TRAPPC8: variants seen among roughly 807,000 people sequenced by gnomAD.
The protein encoded by TRAPPC8 is general sporulation gene 1 homolog.
Under a neutral mutation model 174.3 loss-of-function variants are expected in TRAPPC8, and 54 were observed. That is an observed-to-expected ratio of 0.31 (90% CI 0.25 to 0.39). The LOEUF (loss-of-function observed/expected upper bound fraction) is 0.39. Ranked by LOEUF, TRAPPC8 falls within the 10% of genes least tolerant of loss-of-function variation. The pLI is 1.00. For synonymous variants in TRAPPC8, 630 were observed against 579.9 expected, an observed-to-expected ratio of 1.09 and a Z score of -1.24; for missense variants, 1,531 against 1,699.1, an observed-to-expected ratio of 0.90 and a Z score of 1.74.
chr18:31,838,032 C>T (rs2144950169), intron 27 of TRAPPC8, among the ~76,000 whole-genome samples: 1 of 151,264 alleles, frequency 6.6e-6, no homozygotes, highest in Admixed American at 6.6e-5. Context: ...TGCAATGGTG[C>T]AAACATAGCT....
At chr18:31,838,652 G>C (rs1178746145) in intron 27 of TRAPPC8, among the ~76,000 whole-genome samples, 1 of 152,076 alleles carries the variant, frequency 6.6e-6, no homozygotes, top group Non-Finnish European at 1.5e-5. Flanking sequence ...CAAAAATCAT[G>C]ATCTCCTTAT....
Position 31,916,315 on chromosome 18 carries a change from ATT to A in TRAPPC8, c.572_573del (p.Lys191IlefsTer7). ...YPKWFIPNTLKYYVLLHDVSA... is the reference protein window; with the variant it reads ...YPKWFIPNTLXYYVLLHDVSA... ...CTTACATCATGTAAAAGTACATAGTATTTAAGTGTATTTGGTATAAACCACTT... is the reference window on the plus strand; with the variant it reads ...CTTACATCATGTAAAAGTACATAGTATAAGTGTATTTGGTATAAACCACTT... On this transcript the variant is annotated frameshift_variant, in exon 4 of 29. Coordinates refer to ENST00000283351, the MANE Select transcript of TRAPPC8 (RefSeq NM_014939.5). LOFTEE classifies it high-confidence loss of function. 6.2e-7 allele frequency: 1 copy of A among 1,611,028 alleles called. No individual in the cohort carries two copies.
rs1406468859 is a variant in TRAPPC8 at position 31,890,839 on chromosome 18, A to C, written c.1624T>G (p.Leu542Val). 3.1e-6 allele frequency: 5 copies of C among 1,611,298 alleles called. No individual in the cohort carries two copies. Among genetic ancestry groups the C allele is most frequent in the Non-Finnish European group, 4.2e-6 (5 of 1,178,558 alleles). ...ATAAAGCAATGTGCTGCCTGTTCCA[A>C]AAGAAGTGCACTTCGAAGATCAGAA... ...EDSDLRSALL[L>V]EQAAHCFINM... The change falls in exon 12 of 29, where the codon TTG becomes GTG. Residue 542 changes from leucine to valine, a missense_variant. Coordinates refer to ENST00000283351, the MANE Select transcript of TRAPPC8 (RefSeq NM_014939.5).
At chr18:31,863,739 T>C (rs2034446525) in intron 19 of TRAPPC8, among the ~76,000 whole-genome samples, 1 of 152,068 alleles carries the variant, frequency 6.6e-6, no homozygotes, top group Non-Finnish European at 1.5e-5. Context: ...AGGGCCTTTT[T>C]CACCCTTACA....
At chr18:31,940,736 A>T (rs1242633300) in intron 1 of TRAPPC8, among the ~76,000 whole-genome samples, 2 of 151,958 alleles carry the variant, frequency 1.3e-5, no homozygotes. Context: ...TGACCTCGTG[A>T]TCCACCCGCC....
chr18:31,922,509 T>C (rs2037433852), intron 2 of TRAPPC8, among the ~76,000 whole-genome samples: 1 of 152,096 alleles, frequency 6.6e-6, no homozygotes. Flanking sequence ...GAAGATCGCT[T>C]GAACCCAGGA....
chr18:31,890,967 C>T (rs1393787504), intron 11 of TRAPPC8, 101 bp from the exon 12 acceptor site: 17 of 1,105,962 alleles, frequency 1.5e-5, no homozygotes, highest in Non-Finnish European at 1.9e-5. Flanking sequence ...ATAGCATATC[C>T]AATGTTTAAC....
At chr18:31,936,943 T>G (rs892677116) in intron 1 of TRAPPC8, among the ~76,000 whole-genome samples, 2 of 132,674 alleles carry the variant, frequency 1.5e-5, no homozygotes, top group African/African-American at 5.9e-5. Flanking sequence ...CCAGGCGCGG[T>G]GGCTCACGCC....
chr18:31,891,915 C>T (rs2145364762), intron 11 of TRAPPC8, among the ~76,000 whole-genome samples: 1 of 152,232 alleles, frequency 6.6e-6, no homozygotes, highest in Admixed American at 6.5e-5. Flanking sequence ...CAGTAAATGG[C>T]AGCTATTATC....
intron 5 of TRAPPC8, among the ~76,000 whole-genome samples, chr18:31,911,687 C>T (rs903593815): frequency 9.3e-5 from 13 of 139,216 alleles, no homozygotes; most frequent in South Asian, 2.3e-4. Context: ...TGCAGTGAGC[C>T]GAGATCATGC....
At chr18:31,899,549 G>A (rs991922060) in intron 10 of TRAPPC8, among the ~76,000 whole-genome samples, 4 of 152,044 alleles carry the variant, frequency 2.6e-5, no homozygotes, top group African/African-American at 7.2e-5. Context: ...CAGATAAGTC[G>A]GATTAATCTT....
chr18:31,901,668 T>A (rs951372670), intron 9 of TRAPPC8, among the ~76,000 whole-genome samples: 2 of 152,156 alleles, frequency 1.3e-5, no homozygotes, highest in Non-Finnish European at 2.9e-5. Context: ...CTCAGGCAAA[T>A]ATAAGGGCAC....
At position 31,851,662 on chromosome 18, in the gene TRAPPC8, C is replaced by T. The variant is rs148334177; in HGVS notation, c.3561+784G>A. 4.2e-3 allele frequency among the ~76,000 whole-genome samples: 640 copies of T among 151,944 alleles called. 7 individuals carry two copies. The highest frequency in any genetic ancestry group is 0.031 in the South Asian group (148 of 4,804). On this transcript the variant is annotated intron_variant, in intron 24 of 28. Transcript: ENST00000283351. ...ATGAGCCACCACATCTGGCCCTCTA[C>T]GTAACTCTTATACATAATTAGGATG...
intron 19 of TRAPPC8, among the ~76,000 whole-genome samples, chr18:31,863,508 T>A (rs1280184073): frequency 6.6e-6 from 1 of 152,138 alleles, no homozygotes; most frequent in African/African-American, 2.4e-5. Context: ...GAATACCATA[T>A]GTAACGGTTA....
chr18:31,833,447 T>C (rs941798303), intron 27 of TRAPPC8: 1 of 152,224 alleles, frequency 6.6e-6, no homozygotes, highest in Non-Finnish European at 1.5e-5. Flanking sequence ...CCCAATGTTC[T>C]TCACAAATTC....
At chr18:31,900,334 T>C (rs151288269) in intron 10 of TRAPPC8, among the ~76,000 whole-genome samples, 41 of 152,368 alleles carry the variant, frequency 2.7e-4, no homozygotes, top group African/African-American at 9.6e-4. Flanking sequence ...GTACTTTCCC[T>C]ATACAGCAAC....
chr18:31,872,516 T>A (rs905403613), intron 14 of TRAPPC8, among the ~76,000 whole-genome samples: 3 of 151,864 alleles, frequency 2.0e-5, no homozygotes, highest in African/African-American at 7.3e-5. Context: ...GCCTCCTGGG[T>A]TCAAGCGATT....
At chr18:31,941,205 G>A (rs1251537316) in intron 1 of TRAPPC8, among the ~76,000 whole-genome samples, 4 of 152,190 alleles carry the variant, frequency 2.6e-5, no homozygotes, top group Non-Finnish European at 5.9e-5. Flanking sequence ...CACTTTGCGA[G>A]GCCGAGGCGG....
chr18:31,852,536 T>C, intron 23 of TRAPPC8, 32 bp from the exon 24 acceptor site: 1 of 1,613,912 alleles, frequency 6.2e-7, no homozygotes, highest in Non-Finnish European at 8.5e-7. Flanking sequence ...ACTAATCATA[T>C]CATTGGCATA....
Sources: allele counts gnomAD v4.1 joint callset (sites outside exome capture counted in the v4.1 genomes callset), GRCh38; gene constraint gnomAD v4.1.1; transcripts MANE v1.5; gene names NCBI Gene and HGNC (gene_info 2026-07-23, HGNC 2026-07-21).